The following PRPF40B variants were observed in gnomAD, a reference collection of about 807,000 sequenced individuals.
The protein encoded by PRPF40B is pre-mRNA-processing factor 40 homolog B.
PRPF40B carries 56 observed loss-of-function variants against 124.5 expected under a neutral mutation model. The observed-to-expected ratio is 0.45, with a 90% confidence interval of 0.36 to 0.56. The LOEUF is 0.56. Among genes scored for constraint, PRPF40B ranks in the 20% least tolerant of loss-of-function variants. PRPF40B has a pLI of 0.00. For missense variants in PRPF40B, 1,053 were observed against 1,169.5 expected (o/e 0.90, Z 1.45); for synonymous variants, 443 against 426.4 (o/e 1.04, Z -0.48).
rs1941688689 is a variant in PRPF40B at position 49,635,505 on chromosome 12, A to G, written c.1275+32A>G. On this transcript the variant is annotated intron_variant, in intron 14 of 25. Transcript: ENST00000548825. The surrounding 1 kb of genome is among the most constrained non-coding windows in gnomAD (Gnocchi z 4.1). ...GTCCCTGGGCAGAATCCTTCAGCCC[A>G]TCTCATCCTGGACTTTCCTTGTCTT... 1.9e-6 allele frequency: 3 copies of G among 1,583,136 alleles called. No homozygotes were observed. Among genetic ancestry groups the G allele is most frequent in the Non-Finnish European group, 2.6e-6 (3 of 1,161,494 alleles).
chr12:49,636,154 G>C (rs1315887850), intron 15 of PRPF40B, among the ~76,000 whole-genome samples, 161 bp downstream of exon 15: 3 of 152,100 alleles, frequency 2.0e-5, no homozygotes, highest in African/African-American at 7.2e-5. Flanking sequence ...GGACTCCGGG[G>C]ATACCAGAAT....
chr12:49,644,436 G>A lies in PRPF40B; in HGVS notation c.*244G>A. 1 of 524,186 alleles carries A rather than the reference G, an allele frequency of 1.9e-6. No homozygotes were observed. Among genetic ancestry groups the A allele is most frequent in the South Asian group, 2.1e-5 (1 of 48,336 alleles). The allele number at this position is 524,186 out of a possible 1,614,324, so 32.5% of individuals were successfully genotyped here. On this transcript the variant is annotated 3_prime_UTR_variant, in exon 26 of 26. Transcript: ENST00000548825. ...ACCAGAGATGGGTGGTATATGCCAT[G>A]TGGGGTGGGTGATGCCAGTAGATAA...
Position 49,642,974 on chromosome 12 carries a change from G to T in PRPF40B, c.2163G>T (p.Arg721Ser). The change falls in exon 22 of 26, where the codon AGG becomes AGT. Residue 721 changes from arginine to serine, a missense_variant. Physicochemically the swap from Arg to Ser is moderately radical, Grantham distance 110. This residue lies in a region of PRPF40B where 895 missense variants were observed against 1,052.2 expected (regional missense o/e 0.85). Transcript: ENST00000548825. The surrounding 1 kb of genome is among the most constrained non-coding windows in gnomAD (Gnocchi z 5.8). Reference protein sequence around the residue: ...HLHTKGRKHGRKGKKHHHKRS... With the variant: ...HLHTKGRKHGSKGKKHHHKRS... Reference sequence around the variant, plus strand: ...ACACCAAAGGCCGAAAGCATGGCAGGAAAGGCAAGAAGCACCATCACAAGC... The same window carrying T: ...ACACCAAAGGCCGAAAGCATGGCAGTAAAGGCAAGAAGCACCATCACAAGC... 1 of 1,613,886 alleles carries T rather than the reference G, an allele frequency of 6.2e-7. No individual in the cohort carries two copies. Among genetic ancestry groups the T allele is most frequent in the South Asian group, 1.1e-5 (1 of 91,026 alleles).
chr12:49,628,178 C>G (rs1473041947), intron 1 of PRPF40B, among the ~76,000 whole-genome samples: 1 of 152,204 alleles, frequency 6.6e-6, no homozygotes, highest in Non-Finnish European at 1.5e-5. Context: ...CAGTTGAGCA[C>G]TTAGAAAAGA....
In PRPF40B at chr12:49,632,995, T is replaced by TGGGGGGGGGGGGGGGG; in HGVS notation, c.349-18_349-17insGGGGGGGGGGGGGGGG. ...AAAAGGGGCCTTGACCACCATTCTG[T>TGGGGGGGGGGGGGGGG]GCCCCCCCCCCCACCCAGAGGGCCC... On this transcript the variant is annotated intron_variant, in intron 6 of 25. Transcript: ENST00000548825. 15 of 1,365,300 alleles carry TGGGGGGGGGGGGGGGG rather than the reference T, an allele frequency of 1.1e-5. No homozygotes were observed. The highest frequency in any genetic ancestry group is 2.3e-4 in the Middle Eastern group (1 of 4,344). The allele number at this position is 1,365,300 out of a possible 1,614,324, so 84.6% of individuals were successfully genotyped here.
Position 49,630,597 on chromosome 12 carries a change from CG to C in PRPF40B, c.60del (p.Met23Ter). ...CCAGCAGCGCCTGCCCCCTTCCCAC[CG>C]GGGCCCCCCATGATGCCACCACCCT... is the stretch of plus-strand genomic sequence containing the variant. The part of the protein sequence containing the change: ...RPPAAPAPFP[P>X]GPPMMPPPFM... On this transcript the variant is annotated frameshift_variant, in exon 2 of 26. Transcript: ENST00000548825. LOFTEE classifies it high-confidence loss of function. The C allele has an allele frequency of 1.1e-5, 15 of 1,347,194 alleles. No individual in the cohort carries two copies. Among genetic ancestry groups the C allele is most frequent in the African/African-American group, 2.9e-5 (2 of 69,756 alleles). The allele number at this position is 1,347,194 out of a possible 1,614,324, so 83.5% of individuals were successfully genotyped here. A position where few individuals can be genotyped will look rare whatever the true frequency, so the allele number is the denominator to read the frequency against.
At chr12:49,624,099 G>A (rs2138360253) in intron 1 of PRPF40B, 3 of 986,564 alleles carry the variant, frequency 3.0e-6, no homozygotes, top group Non-Finnish European at 3.6e-6. Context: ...TCCTGAGGTG[G>A]AGAGGGGGCC....
At chr12:49,634,160 C>T in intron 10 of PRPF40B, 68 bp downstream of exon 10, 1 of 1,581,334 alleles carries the variant, frequency 6.3e-7, no homozygotes, top group East Asian at 2.3e-5. Context: ...AACCCTTGTC[C>T]TCTGCTGGGC....
chr12:49,633,160 T>C (rs778710216), intron 7 of PRPF40B, 36 bp downstream of exon 7: 1 of 1,529,134 alleles, frequency 6.5e-7, no homozygotes, highest in East Asian at 2.3e-5. Flanking sequence ...TCCTTTCAGC[T>C]GCCCTGACCC....
chr12:49,634,356 G>C lies in PRPF40B; in HGVS notation c.837G>C (p.Gln279His). 1 of 1,614,216 alleles carries C rather than the reference G, an allele frequency of 6.2e-7. No homozygotes were observed. The change falls in exon 11 of 26, where the codon CAG (glutamine) becomes CAC (histidine). Residue 279 changes from glutamine to histidine, a missense_variant. Gln to His is a conservative substitution (Grantham distance 24). Coordinates refer to ENST00000548825, the MANE Select transcript of PRPF40B (RefSeq NM_001031698.3). ...GTTCTGGACAGCATCAGCCACAGCAGGAGGAGGAGGAATCAAAGCCAGAAC... is the reference window on the plus strand; with the variant it reads ...GTTCTGGACAGCATCAGCCACAGCACGAGGAGGAGGAATCAAAGCCAGAAC... ...PSSSGQHQPQ[Q>H]EEEESKPEPE...
upstream of PRPF40B, among the ~76,000 whole-genome samples, chr12:49,622,927 C>T (rs534149593): frequency 5.9e-5 from 9 of 152,338 alleles, no homozygotes; most frequent in South Asian, 1.9e-3. Flanking sequence ...TTTTTAACTT[C>T]TGTCAAAGAG....
In PRPF40B at chr12:49,631,735, C is replaced by A; in HGVS notation, c.229-125C>A. The A allele has an allele frequency of 8.0e-7, 1 of 1,255,704 alleles. No homozygotes were observed. The highest frequency in any genetic ancestry group is 1.2e-5 in the South Asian group (1 of 81,996). The allele number at this position is 1,255,704 out of a possible 1,614,324, so 77.8% of individuals were successfully genotyped here. ...TGAGAGGCCAGAATCTGGGGATTGC[C>A]TGAGGAAGTGCCCAAGTGAGGGTCA... On this transcript the variant is annotated intron_variant, in intron 3 of 25. Transcript: ENST00000548825. This position sits in a 1 kb window ranked among gnomAD's most constrained non-coding sequence, Gnocchi z 4.3.
At chr12:49,626,095 T>C (rs1592570825) in intron 1 of PRPF40B, among the ~76,000 whole-genome samples, 1 of 152,302 alleles carries the variant, frequency 6.6e-6, no homozygotes, top group East Asian at 1.9e-4. Context: ...ATTTCCTTTT[T>C]CCAAGCCACA....
rs1048524286 is a variant in PRPF40B at position 49,624,383 on chromosome 12, G to C, written c.3+790G>C. Among the ~76,000 whole-genome samples the C allele has an allele frequency of 1.1e-3, 160 of 152,062 alleles. 2 individuals are homozygous for C. Among genetic ancestry groups the C allele is most frequent in the Non-Finnish European group, 4.6e-4 (31 of 67,954 alleles). ...GGGCTGGAGAAATCCCCACGGGTGC[G>C]GGGGGATGGTAGACAGAAAGCCTGC... On this transcript the variant is annotated intron_variant, in intron 1 of 25. Transcript: ENST00000548825.
At chr12:49,630,708 A>G (rs1380923169) in intron 2 of PRPF40B, 83 bp downstream of exon 2, 8 of 664,836 alleles carry the variant, frequency 1.2e-5, no homozygotes, top group Admixed American at 7.3e-5. Context: ...CTGCATCACC[A>G]GCACAGTTTT....
At chr12:49,637,913 A>G in intron 18 of PRPF40B, 89 bp downstream of exon 18, 1 of 1,080,154 alleles carries the variant, frequency 9.3e-7, no homozygotes, top group South Asian at 1.4e-5. Context: ...TGTTTTGCAG[A>G]AGCATTACAG....
rs758856869 is a variant in PRPF40B, at chr12:49,643,645, C to T, written c.2381-46C>T. ...AGGGGCTAGAACAAAGAAAAAGAGC[C>T]TGTCTTTCTCCTGTTGGGACTTAGT... On this transcript the variant is annotated intron_variant, in intron 23 of 25. Coordinates refer to ENST00000548825, the MANE Select transcript of PRPF40B (RefSeq NM_001031698.3). 13 of 1,581,510 alleles carry T rather than the reference C, an allele frequency of 8.2e-6. No individual in the cohort carries two copies. The South Asian group carries it at 1.5e-4, about 18-fold the overall frequency.
chr12:49,634,193 A>T, intron 10 of PRPF40B, 101 bp downstream of exon 10: 2 of 1,574,736 alleles, frequency 1.3e-6, no homozygotes, highest in Non-Finnish European at 8.6e-7. Flanking sequence ...AGGGGTTTGA[A>T]GATCTGGGTG....
At chr12:49,643,080 G>A in intron 22 of PRPF40B, 64 bp downstream of exon 22, 1 of 1,592,876 alleles carries the variant, frequency 6.3e-7, no homozygotes, top group South Asian at 1.1e-5. Flanking sequence ...TAAACACTTT[G>A]TTTTCCCCTT....
Sources: allele counts gnomAD v4.1 joint callset (sites outside exome capture counted in the v4.1 genomes callset), GRCh38; gene constraint gnomAD v4.1.1; regional missense constraint gnomAD v4.1.1; non-coding constraint Gnocchi (gnomAD v3.1); transcripts MANE v1.5; gene names NCBI Gene and HGNC (gene_info 2026-07-23, HGNC 2026-07-21).